ACSL3: variants seen among roughly 807,000 people sequenced by gnomAD.
ACSL3 encodes fatty acid CoA ligase Acsl3.
ACSL3 carries 34 observed loss-of-function variants against 84.7 expected under a neutral mutation model. That is an observed-to-expected ratio of 0.40 (90% CI 0.31 to 0.53). The LOEUF (loss-of-function observed/expected upper bound fraction) is 0.53. Among genes scored for constraint, ACSL3 ranks in the 20% least tolerant of loss-of-function variants. The probability of loss-of-function intolerance (pLI) is 0.48; values close to 1 mark genes in which losing one functional copy is unlikely to be tolerated. For synonymous variants in ACSL3, 315 were observed against 299.4 expected (o/e 1.05, Z -0.54); for missense variants, 680 against 873.1 (o/e 0.78, Z 2.79).
intron 1 of ACSL3, among the ~76,000 whole-genome samples, chr2:222,874,278 G>A (rs1695386905): frequency 6.6e-6 from 1 of 152,194 alleles, no homozygotes; most frequent in African/African-American, 2.4e-5. Context: ...GTCTGCCTCG[G>A]TCTCCCAAGG....
intron 1 of ACSL3, among the ~76,000 whole-genome samples, chr2:222,866,270 T>C (rs761680826): frequency 1.3e-5 from 2 of 152,024 alleles, no homozygotes; most frequent in Admixed American, 6.6e-5. Flanking sequence ...CTCAGCCTCC[T>C]GAGTAGCTGG....
intron 2 of ACSL3, among the ~76,000 whole-genome samples, chr2:222,896,469 G>A (rs1339940388): frequency 5.0e-5 from 1 of 19,858 alleles, no homozygotes; most frequent in African/African-American, 1.6e-4. Flanking sequence ...CTGGCCGGGC[G>A]GGGGGCTGAC....
chr2:222,928,346 T>A (rs1696936253), intron 12 of ACSL3, among the ~76,000 whole-genome samples: 1 of 152,218 alleles, frequency 6.6e-6, no homozygotes, highest in Non-Finnish European at 1.5e-5. Flanking sequence ...GAGAGGTGTT[T>A]TATACTGCAC....
chr2:222,926,913 T>G, intron 11 of ACSL3, 104 bp from the exon 12 acceptor site: 1 of 1,289,016 alleles, frequency 7.8e-7, no homozygotes, highest in Non-Finnish European at 1.1e-6. Context: ...GATAAGTAAC[T>G]TAATCTCAAA....
chr2:222,903,232 G>GT (rs1410654111), intron 3 of ACSL3, among the ~76,000 whole-genome samples: 1 of 152,160 alleles, frequency 6.6e-6, no homozygotes, highest in Non-Finnish European at 1.5e-5. Context: ...TCATCTCCTG[G>GT]TCTCAAGTCA....
At chr2:222,921,207 A>T in intron 7 of ACSL3, 73 bp from the exon 8 acceptor site, 1 of 1,482,430 alleles carries the variant, frequency 6.7e-7, no homozygotes, top group Non-Finnish European at 9.2e-7. Context: ...TTATTTGATG[A>T]TAATGAAAAG....
intron 1 of ACSL3, among the ~76,000 whole-genome samples, chr2:222,886,209 C>T (rs2106098487): frequency 6.6e-6 from 1 of 152,160 alleles, no homozygotes; most frequent in Non-Finnish European, 1.5e-5. Flanking sequence ...GGTATTTGTC[C>T]TAATGTTCTC....
intron 3 of ACSL3, among the ~76,000 whole-genome samples, chr2:222,901,341 C>G (rs1253182952): frequency 2.6e-5 from 4 of 152,154 alleles, no homozygotes; most frequent in Non-Finnish European, 5.9e-5. Flanking sequence ...TCTCACCACC[C>G]CATTGAAATT....
chr2:222,874,345 T>C (rs1020218313), intron 1 of ACSL3, among the ~76,000 whole-genome samples: 4 of 152,152 alleles, frequency 2.6e-5, no homozygotes, highest in Non-Finnish European at 5.9e-5. Flanking sequence ...ATTTATATAT[T>C]GAAAACCAGA....
chr2:222,881,016 A>G (rs795891), intron 1 of ACSL3, among the ~76,000 whole-genome samples: 123,194 of 152,014 alleles, frequency 0.81, 50,210 homozygotes, highest in East Asian at 0.97. Flanking sequence ...ACTGTCGTTT[A>G]TTTTTTCATT....
rs79089918 is a variant in ACSL3, at chr2:222,928,384, A to G, written c.1466-478A>G. ...CGGTGAGGCCTAATAAGAAAGTAGA[A>G]TAGACGTAAACCATTGTTTTCATCA... On this transcript the variant is annotated intron_variant, in intron 12 of 16. Coordinates refer to ENST00000357430, the MANE Select transcript of ACSL3 (RefSeq NM_004457.5). 3.7e-3 allele frequency among the ~76,000 whole-genome samples: 571 copies of G among 152,338 alleles called. 16 individuals are homozygous for G. The East Asian group carries it at 0.042, about 11-fold the overall frequency.
chr2:222,886,177 G>A (rs1241246513), intron 1 of ACSL3, among the ~76,000 whole-genome samples: 1 of 151,184 alleles, frequency 6.6e-6, no homozygotes, highest in East Asian at 1.9e-4. Flanking sequence ...CATCATCTAA[G>A]TTTTAAGCCC....
rs1696629064 is a variant in ACSL3 at position 222,917,956 on chromosome 2, T to TG, written c.557-89dup. 4.9e-5 allele frequency: 44 copies of TG among 903,780 alleles called. No individual in the cohort carries two copies. In the East Asian group the frequency reaches 1.1e-3, roughly 22 times the overall value. 56.0% of individuals were successfully genotyped at this position (903,780 alleles called of 1,614,324 possible). On this transcript the variant is annotated intron_variant, in intron 5 of 16. Coordinates refer to ENST00000357430, the MANE Select transcript of ACSL3 (RefSeq NM_004457.5). ...GGATTTAACAGTTTAGGGCTCCTAA[T>TG]GCGTTATTATGATTCATCTCCACAT...
At chr2:222,874,674 G>GA (rs560238491) in intron 1 of ACSL3, among the ~76,000 whole-genome samples, 80 of 141,560 alleles carry the variant, frequency 5.7e-4, no homozygotes, top group Admixed American at 7.0e-4. Context: ...GACCCTGTCT[G>GA]AAAAAAAAAA....
At chr2:222,876,328 G>GT (rs1490404530) in intron 1 of ACSL3, among the ~76,000 whole-genome samples, 4 of 151,686 alleles carry the variant, frequency 2.6e-5, no homozygotes, top group Non-Finnish European at 5.9e-5. Context: ...TTGTTTGTTT[G>GT]TTTTTTTGTT....
intron 13 of ACSL3, among the ~76,000 whole-genome samples, chr2:222,929,207 T>A (rs1242956726): frequency 2.0e-5 from 3 of 152,216 alleles, no homozygotes; most frequent in Non-Finnish European, 4.4e-5. Context: ...AATAAGTGAA[T>A]AATGTCAATA....
At position 222,875,796 on chromosome 2, in the gene ACSL3, A is replaced by G. The variant is rs147568398; in HGVS notation, c.-206-12034A>G. Among the ~76,000 whole-genome samples, 467 of 152,310 alleles carry G rather than the reference A, an allele frequency of 3.1e-3. 5 individuals carry two copies. Among genetic ancestry groups the G allele is most frequent in the African/African-American group, 9.9e-3 (411 of 41,556 alleles). ...CTTTTGGGTTGTCCAGTTCAGTGTC[A>G]TAAGCACAGACATAATTCCTTAGCT... On this transcript the variant is annotated intron_variant, in intron 1 of 16. Coordinates refer to ENST00000357430, the MANE Select transcript of ACSL3 (RefSeq NM_004457.5).
At chr2:222,937,548 A>G (rs552762141) in intron 16 of ACSL3, among the ~76,000 whole-genome samples, 1 of 152,268 alleles carries the variant, frequency 6.6e-6, no homozygotes, top group South Asian at 2.1e-4. Context: ...TTATCATTAT[A>G]TTGTAATTAA....
intron 1 of ACSL3, among the ~76,000 whole-genome samples, chr2:222,880,820 ACT>A (rs1001879109): frequency 1.2e-4 from 17 of 141,054 alleles, no homozygotes; most frequent in African/African-American, 2.5e-4. Context: ...ACAGAGCGAG[ACT>A]CTGTCTCCCA....
Sources: allele counts gnomAD v4.1 joint callset (sites outside exome capture counted in the v4.1 genomes callset), GRCh38; gene constraint gnomAD v4.1.1; transcripts MANE v1.5; gene names NCBI Gene and HGNC (gene_info 2026-07-23, HGNC 2026-07-21).